Variants in FAT4 observed in about 807,000 individuals in gnomAD.
FAT4 encodes the protein FAT atypical cadherin 4.
A neutral mutation model predicts 303.9 loss-of-function variants in FAT4; 84 were observed. The ratio of observed to expected loss-of-function variants is 0.28; its 90% CI spans 0.23 to 0.33. FAT4 has a LOEUF of 0.33. Among genes scored for constraint, FAT4 ranks in the 10% least tolerant of loss-of-function variants. FAT4 has a pLI of 1.00. For synonymous variants in FAT4, 2,307 were observed against 2,298.8 expected, an observed-to-expected ratio of 1.00 and a Z score of -0.10; for missense variants, 6,005 against 6,146.8, an observed-to-expected ratio of 0.98 and a Z score of 0.77.
intron 11 of FAT4, among the ~76,000 whole-genome samples, chr4:125,465,094 T>TAAA (rs1309586355): frequency 6.6e-6 from 1 of 152,202 alleles, no homozygotes; most frequent in African/African-American, 2.4e-5. Flanking sequence ...GAATGTATTT[T>TAAA]ACCAATGGTT....
chr4:125,438,573 T>C (rs1190874981), intron 8 of FAT4, among the ~76,000 whole-genome samples: 1 of 152,170 alleles, frequency 6.6e-6, no homozygotes, highest in African/African-American at 2.4e-5. Context: ...CTACAGACTA[T>C]CATATATTCA....
chr4:125,472,022 G>A (rs1259003724), intron 12 of FAT4, among the ~76,000 whole-genome samples: 6 of 141,662 alleles, frequency 4.2e-5, no homozygotes, highest in Non-Finnish European at 7.5e-5. Flanking sequence ...GCAGTGAGCC[G>A]AGATCTCGCC....
At chr4:125,391,280 A>C (rs764023725) in intron 2 of FAT4, among the ~76,000 whole-genome samples, 3 of 152,318 alleles carry the variant, frequency 2.0e-5, no homozygotes, top group African/African-American at 7.2e-5. Context: ...AATGCCCATC[A>C]ATGATAGACT....
chr4:125,366,627 T>C (rs1732896981), intron 2 of FAT4, among the ~76,000 whole-genome samples: 1 of 152,144 alleles, frequency 6.6e-6, no homozygotes, highest in Non-Finnish European at 1.5e-5. Flanking sequence ...GTAATGGGAT[T>C]GCTGGGTTGA....
rs763643835 is a variant in FAT4 at position 125,318,620 on chromosome 4, C to G, written c.2209C>G (p.Gln737Glu). 6.2e-7 allele frequency: 1 copy of G among 1,614,146 alleles called. No homozygotes were observed. Residue 737 changes from glutamine (Q) to glutamate (E), a missense_variant, in exon 2 of 18, where the codon CAG (glutamine) becomes GAG (glutamate). Gln to Glu is a conservative substitution (Grantham distance 29). Coordinates refer to ENST00000394329, the MANE Select transcript of FAT4 (RefSeq NM_001291303.3). ...SISAGDRSRF[Q>E]VNAQSGVIST... is the part of the protein sequence containing the mutation. The stretch of plus-strand genomic sequence containing the variant: ...ATCTGCTGGGGACAGGTCTCGGTTT[C>G]AGGTCAATGCTCAGAGTGGGGTTAT...
At chr4:125,354,825 G>T (rs1732366763) in intron 2 of FAT4, among the ~76,000 whole-genome samples, 1 of 150,312 alleles carries the variant, frequency 6.7e-6, no homozygotes, top group African/African-American at 2.4e-5. Flanking sequence ...TTTTTAACTT[G>T]ATCAGAGTCC....
chr4:125,440,963 G>A (rs1179867461), intron 8 of FAT4, among the ~76,000 whole-genome samples: 1 of 152,018 alleles, frequency 6.6e-6, no homozygotes, highest in African/African-American at 2.4e-5. Flanking sequence ...TAATGCATCT[G>A]GCACCCATTC....
Position 125,491,419 on chromosome 4 carries a change from G to T in FAT4, c.14603G>T (p.Arg4868Ile). The change falls in exon 18 of 18, where the codon AGA becomes ATA. Residue 4868 changes from arginine to isoleucine, a missense_variant. Coordinates refer to ENST00000394329, the MANE Select transcript of FAT4 (RefSeq NM_001291303.3). Reference sequence around the variant, plus strand: ...GAGAAGCCAATGGTATATACTTCCAGAATGCCCAAATTATCTCAAGTCAAT... The same window carrying T: ...GAGAAGCCAATGGTATATACTTCCATAATGCCCAAATTATCTCAAGTCAAT... ...DREKPMVYTS[R>I]MPKLSQVNES... 1.2e-6 allele frequency: 2 copies of T among 1,614,080 alleles called. No homozygotes were observed.
chr4:125,319,422 C>T lies in FAT4; in HGVS notation c.3011C>T (p.Thr1004Ile), dbSNP rs1247129930. The T allele has an allele frequency of 6.2e-7, 1 of 1,613,754 alleles. No homozygotes were observed. The highest frequency in any genetic ancestry group is 2.2e-5 in the East Asian group (1 of 44,874). ...PVFDQLSYEV[T>I]LSESEPVNSR... ...TTTGACCAACTCTCTTATGAAGTCA[C>T]CCTTTCTGAGTCAGAACCTGTGAAT... Residue 1004 changes from threonine (T) to isoleucine (I), a missense_variant, in exon 2 of 18, where the codon ACC (threonine) becomes ATC (isoleucine). Physicochemically the swap from Thr to Ile is moderately conservative, Grantham distance 89 (BLOSUM62 -1). Coordinates refer to ENST00000394329, the MANE Select transcript of FAT4 (RefSeq NM_001291303.3).
Position 125,451,405 on chromosome 4 carries a change from C to T in FAT4, c.10395C>T (p.Thr3465=), listed in dbSNP as rs768300702. ...TTAATCCGCAGACAGGACAGATCAC[C>T]GTTACTGCAGAATTAGATCGAGAAA... is the stretch of plus-strand genomic sequence containing the variant. ...FSINPQTGQI[T]VTAELDRETL... The change falls in exon 10 of 18, where the codon ACC becomes ACT. Residue 3465 remains threonine, a synonymous_variant. Coordinates refer to ENST00000394329, the MANE Select transcript of FAT4 (RefSeq NM_001291303.3). The T allele has an allele frequency of 1.2e-5, 19 of 1,613,958 alleles. No homozygotes were observed. The Admixed American group carries it at 1.7e-4, about 14-fold the overall frequency.
rs1725957299 is a variant in FAT4, at chr4:125,449,383, C to T, written c.8373C>T (p.Tyr2791=). 5 of 1,613,716 alleles carry T rather than the reference C, an allele frequency of 3.1e-6. No individual in the cohort carries two copies. The highest frequency in any genetic ancestry group is 4.2e-6 in the Non-Finnish European group (5 of 1,179,840). ...TTCCTGAAAATTCCCCCTTAGGATA[C>T]ACAGTTACCCGTGTCACAACTTCTG... is the stretch of plus-strand genomic sequence containing the variant. ...AHVPENSPLG[Y]TVTRVTTSDE... Residue 2791 remains tyrosine, a synonymous_variant, in exon 10 of 18, where the codon TAC becomes TAT. Coordinates refer to ENST00000394329, the MANE Select transcript of FAT4 (RefSeq NM_001291303.3).
At chr4:125,456,120 G>A (rs1387579656) in intron 10 of FAT4, among the ~76,000 whole-genome samples, 1 of 152,032 alleles carries the variant, frequency 6.6e-6, no homozygotes, top group Non-Finnish European at 1.5e-5. Context: ...CCGCTGGAAG[G>A]GAGTCTGGAA....
chr4:125,361,082 G>T (rs1732647552), intron 2 of FAT4, among the ~76,000 whole-genome samples: 1 of 151,168 alleles, frequency 6.6e-6, no homozygotes, highest in South Asian at 2.1e-4. Flanking sequence ...GTGTCAAATT[G>T]CTAGCTACTG....
chr4:125,403,691 C>CCTG (rs1734476132), intron 3 of FAT4, among the ~76,000 whole-genome samples: 1 of 152,116 alleles, frequency 6.6e-6, no homozygotes, highest in Non-Finnish European at 1.5e-5. Context: ...TCCTATTTAT[C>CCTG]CTGCATCAAA....
intron 7 of FAT4, among the ~76,000 whole-genome samples, chr4:125,421,462 G>C (rs189311368): frequency 2.0e-5 from 3 of 152,278 alleles, no homozygotes; most frequent in Admixed American, 6.5e-5. Context: ...ACTTACGCAA[G>C]TAATTTGTCC....
chr4:125,477,388 G>C, intron 14 of FAT4, 54 bp downstream of exon 14: 1 of 1,374,778 alleles, frequency 7.3e-7, no homozygotes, highest in South Asian at 1.5e-5. Flanking sequence ...AAAAAAGTAT[G>C]CTTCAGTGAG....
Position 125,396,959 on chromosome 4 carries a change from T to G in FAT4, c.5176-1825T>G, listed in dbSNP as rs868363956. On this transcript the variant is annotated intron_variant, in intron 2 of 17. Transcript: ENST00000394329. The stretch of plus-strand genomic sequence containing the variant: ...ATATATATATATATATATATATATA[T>G]ATATATAAAATATGTATGTGTGTGT... Among the ~76,000 whole-genome samples the G allele has an allele frequency of 3.9e-3, 293 of 75,236 alleles. 2 individuals are homozygous for G. The highest frequency in any genetic ancestry group is 0.012 in the African/African-American group (267 of 22,064). 49.4% of individuals were successfully genotyped at this position (75,236 alleles called of 152,430 possible). A position where few individuals can be genotyped will look rare whatever the true frequency, so the allele number is the denominator to read the frequency against.
At chr4:125,426,564 A>T (rs1007226691) in intron 7 of FAT4, among the ~76,000 whole-genome samples, 11 of 152,058 alleles carry the variant, frequency 7.2e-5, no homozygotes, top group Non-Finnish European at 1.5e-4. Context: ...TAAATCATTT[A>T]TTTAAATAGC....
intron 4 of FAT4, 146 bp from the exon 5 acceptor site, chr4:125,408,298 G>A: frequency 1.9e-6 from 1 of 538,658 alleles, no homozygotes; most frequent in African/African-American, 1.9e-5. Context: ...AAAATCTGCA[G>A]AATGTTATGT....
Sources: gnomAD v4.1 joint callset for allele counts (sites outside exome capture counted in the v4.1 genomes callset) on GRCh38, gnomAD v4.1.1 for gene constraint, MANE v1.5 for transcripts, NCBI Gene and HGNC (gene_info 2026-07-23, HGNC 2026-07-21) for gene names.